MYLK: variants seen among roughly 807,000 people sequenced by gnomAD.
MYLK encodes the protein myosin light chain kinase, smooth muscle.
Under a neutral mutation model 203.4 loss-of-function variants are expected in MYLK, and 106 were observed. The observed-to-expected ratio is 0.52, with a 90% CI of 0.45 to 0.61. The LOEUF (loss-of-function observed/expected upper bound fraction) is 0.61. Ranked by LOEUF, MYLK falls within the 20% of genes least tolerant of loss-of-function variation. The pLI, the probability that MYLK is intolerant of heterozygous loss-of-function variation, is 0.00. For missense variants in MYLK, 2,072 were observed against 2,442.3 expected (o/e 0.85, Z 3.20); for synonymous variants, 867 against 959.5 (o/e 0.90, Z 1.78).
intron 12 of MYLK, among the ~76,000 whole-genome samples, chr3:123,725,379 A>G (rs1323275562): frequency 6.6e-6 from 1 of 152,198 alleles, no homozygotes; most frequent in East Asian, 1.9e-4. Flanking sequence ...TATACGGCAA[A>G]TAATTTTTTA....
intron 1 of MYLK, among the ~76,000 whole-genome samples, chr3:123,880,081 C>T (rs1380350196): frequency 6.6e-6 from 1 of 152,142 alleles, no homozygotes; most frequent in Non-Finnish European, 1.5e-5. Flanking sequence ...ATAATAAAAG[C>T]TATTCTTTGT....
intron 3 of MYLK, among the ~76,000 whole-genome samples, chr3:123,826,457 C>T (rs533463272): frequency 6.6e-6 from 1 of 152,328 alleles, no homozygotes; most frequent in South Asian, 2.1e-4. Context: ...AACCATGCAG[C>T]TGTGTCACAA....
At chr3:123,757,379 C>T (rs149223668) in intron 4 of MYLK, among the ~76,000 whole-genome samples, 12 of 152,220 alleles carry the variant, frequency 7.9e-5, no homozygotes, top group Middle Eastern at 3.4e-3. Context: ...GCAGATCTGC[C>T]GCATGTCTTT....
chr3:123,765,857 C>T (rs1277611567), intron 4 of MYLK, among the ~76,000 whole-genome samples: 1 of 152,056 alleles, frequency 6.6e-6, no homozygotes, highest in African/African-American at 2.4e-5. Context: ...TGTGAGGTAC[C>T]TAGAGTAGTA....
intron 3 of MYLK, among the ~76,000 whole-genome samples, chr3:123,828,662 G>C (rs1227174392): frequency 6.6e-6 from 1 of 152,044 alleles, no homozygotes; most frequent in African/African-American, 2.4e-5. Context: ...AAAACAAATA[G>C]TGAAAAAACC....
At chr3:123,634,213 TGTGTTAGTAAAAGTTGAAGGTG>T (rs1418651755) in intron 29 of MYLK, among the ~76,000 whole-genome samples, 1 of 152,112 alleles carries the variant, frequency 6.6e-6, no homozygotes, top group East Asian at 1.9e-4. Context: ...GGGGTTTAGT[TGTGTTAGTAAAAGTTGAAGGTG>T]GTGGCCGGGC....
chr3:123,790,844 C>T (rs2064751931), intron 4 of MYLK, among the ~76,000 whole-genome samples: 1 of 152,132 alleles, frequency 6.6e-6, no homozygotes, highest in African/African-American at 2.4e-5. Context: ...GTCCTAGGTC[C>T]CTCCACTGCC....
chr3:123,708,106 C>T, intron 15 of MYLK, 103 bp from the exon 16 acceptor site: 2 of 1,506,440 alleles, frequency 1.3e-6, no homozygotes, highest in East Asian at 2.4e-5. Context: ...GCATGTCACC[C>T]AAGTAACAGA....
intron 4 of MYLK, among the ~76,000 whole-genome samples, chr3:123,784,228 G>C (rs2109048023): frequency 6.6e-6 from 1 of 152,270 alleles, no homozygotes; most frequent in Middle Eastern, 3.4e-3. Context: ...TGGAAACATT[G>C]CCAGCTCTCA....
intron 4 of MYLK, among the ~76,000 whole-genome samples, chr3:123,788,449 T>C (rs1246298235): frequency 6.6e-6 from 1 of 151,856 alleles, no homozygotes; most frequent in Non-Finnish European, 1.5e-5. Flanking sequence ...GCAGGTTAGT[T>C]ACATATGTAT....
chr3:123,737,612 C>T (rs1438794709), intron 7 of MYLK, 69 bp from the exon 8 acceptor site: 3 of 1,591,808 alleles, frequency 1.9e-6, no homozygotes, highest in Non-Finnish European at 2.6e-6. Context: ...CTCCTGCCTC[C>T]TGCCAATCCT....
In MYLK at chr3:123,638,169, G is replaced by A. The variant is rs2058711160; in HGVS notation, c.4863C>T (p.Leu1621=). 1 of 1,613,890 alleles carries A rather than the reference G, an allele frequency of 6.2e-7. No homozygotes were observed. The highest frequency in any genetic ancestry group is 1.3e-5 in the African/African-American group (1 of 74,932). ...RLENAGSLKV[L]FGTPEFVAPE... is the part of the protein sequence containing the mutation. ...GAGCCACAAATTCTGGGGTGCCAAAGAGGACCTTCAGAGACCCCGCATTCT... is the reference window on the plus strand; with the variant it reads ...GAGCCACAAATTCTGGGGTGCCAAAAAGGACCTTCAGAGACCCCGCATTCT... The change falls in exon 29 of 34, where the codon CTC becomes CTT. Residue 1621 remains leucine (L), a synonymous_variant. Transcript: ENST00000360304.
intron 18 of MYLK, among the ~76,000 whole-genome samples, chr3:123,694,119 G>C (rs936574576): frequency 6.6e-6 from 1 of 152,212 alleles, no homozygotes; most frequent in Non-Finnish European, 1.5e-5. Context: ...CACTAAGGCT[G>C]GAAGAGGAAG....
chr3:123,713,579 ATG>A (rs3085274), intron 13 of MYLK, among the ~76,000 whole-genome samples: 3,244 of 136,360 alleles, frequency 0.024, 95 homozygotes, highest in African/African-American at 0.075. Flanking sequence ...GAGCAACACA[ATG>A]TGTGTGTGTG....
At chr3:123,702,139 A>G (rs1222408040) in intron 16 of MYLK, among the ~76,000 whole-genome samples, 1 of 152,178 alleles carries the variant, frequency 6.6e-6, no homozygotes, top group East Asian at 1.9e-4. Flanking sequence ...AAACCTGGTC[A>G]GTCTCCTGCT....
chr3:123,711,729 G>A (rs1648918448), intron 13 of MYLK, among the ~76,000 whole-genome samples: 1 of 152,128 alleles, frequency 6.6e-6, no homozygotes, highest in South Asian at 2.1e-4. Context: ...AGAAAGGGAG[G>A]GTTAGGATAT....
At chr3:123,868,499 T>G (rs981862047) in intron 2 of MYLK, among the ~76,000 whole-genome samples, 2 of 152,210 alleles carry the variant, frequency 1.3e-5, no homozygotes, top group Non-Finnish European at 2.9e-5. Context: ...GCTTGGATTC[T>G]CTCATCTAAT....
intron 3 of MYLK, among the ~76,000 whole-genome samples, chr3:123,802,822 A>G: frequency 6.6e-6 from 1 of 152,198 alleles, no homozygotes; most frequent in African/African-American, 2.4e-5. Flanking sequence ...AATTAGCGGA[A>G]TGCACACTCC....
intron 31 of MYLK, among the ~76,000 whole-genome samples, chr3:123,626,295 T>C (rs1455879631): frequency 6.6e-6 from 1 of 152,216 alleles, no homozygotes; most frequent in Non-Finnish European, 1.5e-5. Context: ...GTACCACTAT[T>C]ATCCCCGCTT....
Sources: gnomAD v4.1 joint callset for allele counts (sites outside exome capture counted in the v4.1 genomes callset) on GRCh38, gnomAD v4.1.1 for gene constraint, MANE v1.5 for transcripts, NCBI Gene and HGNC (gene_info 2026-07-23, HGNC 2026-07-21) for gene names.